FHIP2A: variants seen among roughly 807,000 people sequenced by gnomAD.
FHIP2A encodes the protein FHF complex subunit HOOK interacting protein 2A.
FHIP2A carries 46 observed loss-of-function variants against 93.5 expected under a neutral mutation model. The observed-to-expected ratio is 0.49, with a 90% confidence interval of 0.39 to 0.63. The LOEUF (loss-of-function observed/expected upper bound fraction) is 0.63. Ranked by LOEUF, FHIP2A falls within the 20% of genes least tolerant of loss-of-function variation. FHIP2A has a pLI of 0.00. For synonymous variants in FHIP2A, 332 were observed against 326.5 expected, an observed-to-expected ratio of 1.02 and a Z score of -0.18; for missense variants, 769 against 909.7, an observed-to-expected ratio of 0.85 and a Z score of 1.99.
intron 12 of FHIP2A, among the ~76,000 whole-genome samples, chr10:114,848,055 A>C (rs541802952): frequency 1.3e-5 from 2 of 152,174 alleles, no homozygotes; most frequent in Non-Finnish European, 2.9e-5. Context: ...CTTATTAAAC[A>C]TGTGTGCTAA....
At chr10:114,861,131 C>T (rs1278251134) in intron 15 of FHIP2A, 100 bp from the exon 16 acceptor site, 1 of 1,474,116 alleles carries the variant, frequency 6.8e-7, no homozygotes. Flanking sequence ...AGTTTACGTT[C>T]TTTATTAAAT....
At chr10:114,868,006 A>C (rs1313086298), downstream of FHIP2A, among the ~76,000 whole-genome samples, 1 of 149,392 alleles carries the variant, frequency 6.7e-6, no homozygotes, top group Non-Finnish European at 1.5e-5. Flanking sequence ...CGGTGGCACT[A>C]TCAGCTCACT....
At chr10:114,886,041 C>T (rs575448264) in intron 16 of FHIP2A, among the ~76,000 whole-genome samples, 27 of 152,294 alleles carry the variant, frequency 1.8e-4, no homozygotes, top group African/African-American at 5.8e-4. Context: ...TGGAATAAAG[C>T]GTCTTAGTGT....
intron 14 of FHIP2A, among the ~76,000 whole-genome samples, chr10:114,860,050 G>A (rs948084014): frequency 2.0e-5 from 3 of 152,148 alleles, no homozygotes; most frequent in African/African-American, 7.2e-5. Context: ...TTAAAAAGGT[G>A]TAATATCTTC....
rs1566372471 is a variant in FHIP2A, at chr10:114,847,136, A to C, written c.1615A>C (p.Thr539Pro). 2 of 1,613,420 alleles carry C rather than the reference A, an allele frequency of 1.2e-6. No homozygotes were observed. The highest frequency in any genetic ancestry group is 1.7e-6 in the Non-Finnish European group (2 of 1,179,430). The change falls in exon 12 of 17, where the codon ACT becomes CCT. Residue 539 changes from threonine to proline, a missense_variant. Physicochemically the swap from Thr to Pro is conservative, Grantham distance 38. Coordinates refer to ENST00000369248, the MANE Select transcript of FHIP2A (RefSeq NM_020940.4). ...ATTTACTGACATTTCACCAGAAAAC[A>C]CTTTGCCAAACCAAGAGTGGCTTAG... is the stretch of plus-strand genomic sequence containing the variant. ...PLFTDISPEN[T>P]LPNQEWLSSS...
intron 2 of FHIP2A, among the ~76,000 whole-genome samples, chr10:114,831,294 G>T (rs946124953): frequency 6.6e-6 from 1 of 152,210 alleles, no homozygotes; most frequent in African/African-American, 2.4e-5. Flanking sequence ...GTACGTTGGG[G>T]TGGTGGGAGT....
At chr10:114,848,562 AT>A in intron 12 of FHIP2A, 84 bp from the exon 13 acceptor site, 1 of 744,906 alleles carries the variant, frequency 1.3e-6, no homozygotes, top group Non-Finnish European at 2.3e-6. Flanking sequence ...GAGAGTATTG[AT>A]TATGGTCTTT....
chr10:114,890,325 G>A (rs1205370215), intron 16 of FHIP2A, among the ~76,000 whole-genome samples: 1 of 151,970 alleles, frequency 6.6e-6, no homozygotes, highest in Non-Finnish European at 1.5e-5. Context: ...ACCATGCCCA[G>A]CCTAACCACC....
At chr10:114,838,871 C>T (rs2083651631) in intron 5 of FHIP2A, among the ~76,000 whole-genome samples, 2 of 152,150 alleles carry the variant, frequency 1.3e-5, no homozygotes, top group Non-Finnish European at 2.9e-5. Flanking sequence ...TCTCCAAAGC[C>T]TGAGGTGGTA....
At chr10:114,843,962 C>T (rs1287069567) in intron 7 of FHIP2A, 25 bp downstream of exon 7, 2 of 1,512,564 alleles carry the variant, frequency 1.3e-6, no homozygotes, top group East Asian at 2.3e-5. Context: ...TTGTATTTTC[C>T]CATAAAGGTG....
intron 1 of FHIP2A, among the ~76,000 whole-genome samples, chr10:114,830,283 T>C (rs1330254948): frequency 6.7e-6 from 1 of 149,766 alleles, no homozygotes; most frequent in African/African-American, 2.5e-5. Flanking sequence ...TTTTTTTTTT[T>C]TTTTTTTGAG....
chr10:114,880,213 G>A (rs1010725241), intron 16 of FHIP2A, among the ~76,000 whole-genome samples: 39 of 152,176 alleles, frequency 2.6e-4, no homozygotes, highest in South Asian at 4.1e-4. Flanking sequence ...GGTTGGAGGC[G>A]GGAGGATTGG....
At chr10:114,839,433 G>C (rs1317657847) in intron 5 of FHIP2A, among the ~76,000 whole-genome samples, 4 of 152,224 alleles carry the variant, frequency 2.6e-5, no homozygotes. Flanking sequence ...AGCCAGAAAT[G>C]CAGTTTTATT....
rs1026466252 is a variant in FHIP2A, at chr10:114,832,709, GAT to G, written c.125-523_125-522del. Among the ~76,000 whole-genome samples, 17 of 136,954 alleles carry G rather than the reference GAT, an allele frequency of 1.2e-4. No homozygotes were observed. In the East Asian group the frequency reaches 3.3e-3, roughly 27 times the overall value. The allele number at this position is 136,954 out of a possible 152,430, so 89.8% of individuals were successfully genotyped here. On this transcript the variant is annotated intron_variant, in intron 2 of 16. Transcript: ENST00000369248. The stretch of plus-strand genomic sequence containing the variant: ...ATGTTAGCTTATGGAATATATTTGA[GAT>G]TTTTTTTTTTTTTTTTTTGAGATGG...
At chr10:114,891,017 C>A (rs1322155724) in intron 16 of FHIP2A, among the ~76,000 whole-genome samples, 1 of 151,074 alleles carries the variant, frequency 6.6e-6, no homozygotes, top group Non-Finnish European at 1.5e-5. Context: ...CATACTGAGA[C>A]CCCGTCTCTA....
At chr10:114,860,581 A>C (rs1000248257) in intron 14 of FHIP2A, among the ~76,000 whole-genome samples, 168 bp from the exon 15 acceptor site, 1 of 151,806 alleles carries the variant, frequency 6.6e-6, no homozygotes, top group Non-Finnish European at 1.5e-5. Flanking sequence ...CGAACTCCCA[A>C]CCTCAGGTGA....
intron 16 of FHIP2A, among the ~76,000 whole-genome samples, chr10:114,888,782 T>C (rs899389412): frequency 6.6e-6 from 1 of 152,040 alleles, no homozygotes; most frequent in African/African-American, 2.4e-5. Flanking sequence ...TTTGTATTTT[T>C]AGTAGAGATG....
At chr10:114,884,911 C>CAAAAA (rs35889495) in intron 16 of FHIP2A, among the ~76,000 whole-genome samples, 2 of 124,050 alleles carry the variant, frequency 1.6e-5, no homozygotes, top group African/African-American at 5.9e-5. Flanking sequence ...GAGACTCCAT[C>CAAAAA]AAAAAAAAAA....
chr10:114,876,002 AAGAG>A (rs1328062354), intron 16 of FHIP2A, among the ~76,000 whole-genome samples: 6 of 148,656 alleles, frequency 4.0e-5, no homozygotes, highest in South Asian at 2.1e-4. Context: ...AAGAAAAAGA[AAGAG>A]AAAGAAAGAA....
Sources: allele counts gnomAD v4.1 joint callset (sites outside exome capture counted in the v4.1 genomes callset), GRCh38; gene constraint gnomAD v4.1.1; transcripts MANE v1.5; gene names NCBI Gene and HGNC (gene_info 2026-07-23, HGNC 2026-07-21).